Variants in PTCH2 observed in about 807,000 individuals in gnomAD.
PTCH2 encodes patched 2, also known as protein patched homolog 2.
PTCH2 carries 96 observed loss-of-function variants against 117.9 expected under a neutral mutation model. The ratio of observed to expected loss-of-function variants is 0.81; its 90% CI spans 0.69 to 0.96. PTCH2 has a LOEUF of 0.96. Among genes scored for constraint, PTCH2 ranks in the 50% least tolerant of loss-of-function variants. The pLI, the probability that PTCH2 is intolerant of heterozygous loss-of-function variation, is 0.00. For missense variants in PTCH2, 1,379 were observed against 1,562.5 expected (o/e 0.88, Z 1.98); for synonymous variants, 615 against 660.9 (o/e 0.93, Z 1.06).
At position 44,827,524 on chromosome 1, in the gene PTCH2, G is replaced by C. The variant is rs1161313776; in HGVS notation, c.2249C>G (p.Ala750Gly). 1 of 1,613,958 alleles carries C rather than the reference G, an allele frequency of 6.2e-7. No homozygotes were observed. Among genetic ancestry groups the C allele is most frequent in the East Asian group, 2.2e-5 (1 of 44,884 alleles). ...ATCAAAGAGGGCGCGTTGGGAGTGG[G>C]CGTAGTCAAAGCCACCCTGGGTCAC... is the stretch of plus-strand genomic sequence containing the variant. ...ALVTQGGFDY[A>G]HSQRALFDLH... Residue 750 changes from alanine to glycine, a missense_variant, in exon 15 of 22, where the codon GCC becomes GGC. By Grantham distance (60) the Ala-to-Gly change is moderately conservative (BLOSUM62 0). Coordinates refer to ENST00000372192, the MANE Select transcript of PTCH2 (RefSeq NM_003738.5).
In PTCH2 at chr1:44,823,146, C is replaced by G. The variant is rs148142832; in HGVS notation, c.3280G>C (p.Val1094Leu). The G allele has an allele frequency of 7.4e-5, 120 of 1,613,990 alleles. No individual in the cohort carries two copies. Among genetic ancestry groups the G allele is most frequent in the Non-Finnish European group, 8.5e-5 (100 of 1,180,010 alleles). The change falls in exon 21 of 22, where the codon GTG becomes CTG. Residue 1094 changes from valine to leucine, a missense_variant. Transcript: ENST00000372192. The surrounding 1 kb of genome is among the most constrained non-coding windows in gnomAD (Gnocchi z 5.1). ...IVRYFFAALT[V>L]LTLLGLLHGL... is the part of the protein sequence containing the mutation. ...TGGAGGAGGCCCAGGAGCGTGAGCA[C>G]TGTCAGCGCCGCAAAGAAGTACCTA...
chr1:44,835,557 G>T (rs1481650390), intron 2 of PTCH2, among the ~76,000 whole-genome samples: 2 of 152,138 alleles, frequency 1.3e-5, no homozygotes, highest in East Asian at 3.8e-4. Flanking sequence ...AGTGTAATAT[G>T]GTACACTCTT....
chr1:44,822,397 T>C lies in PTCH2; in HGVS notation c.*18A>G. On this transcript the variant is annotated 3_prime_UTR_variant, in exon 22 of 22. Transcript: ENST00000372192. ...CCCCACACGCCCCACACATGGTCTCTGTGCTTCAGCTGCTCTTTCACCCAG... is the reference window on the plus strand; with the variant it reads ...CCCCACACGCCCCACACATGGTCTCCGTGCTTCAGCTGCTCTTTCACCCAG... 6.2e-7 allele frequency: 1 copy of C among 1,613,388 alleles called. No individual in the cohort carries two copies. Among genetic ancestry groups the C allele is most frequent in the Non-Finnish European group, 8.5e-7 (1 of 1,180,018 alleles).
intron 9 of PTCH2, 34 bp downstream of exon 9, chr1:44,829,368 G>A: frequency 1.9e-6 from 3 of 1,614,062 alleles, no homozygotes; most frequent in Non-Finnish European, 2.5e-6. Flanking sequence ...GGTTGGAGGT[G>A]GGGTGGGGGC....
In PTCH2 at chr1:44,828,189, G is replaced by A. The variant is rs2148876064; in HGVS notation, c.1712C>T (p.Pro571Leu). Residue 571 changes from proline (P) to leucine (L), a missense_variant and splice_region_variant, in exon 14 of 22, where the codon CCC becomes CTC. Physicochemically the swap from Pro to Leu is moderately conservative, Grantham distance 98. Transcript: ENST00000372192. Reference protein sequence around the residue: ...RLDVLCCFSSPCSAQVIQILP... With the variant: ...RLDVLCCFSSLCSAQVIQILP... The stretch of plus-strand genomic sequence containing the variant: ...GATCTGAATCACCTGAGCAGAGCAG[G>A]GACTGGAAGAGGTAGAGAGTGGATG... 1.2e-6 allele frequency: 2 copies of A among 1,613,490 alleles called. No homozygotes were observed. Among genetic ancestry groups the A allele is most frequent in the Non-Finnish European group, 1.7e-6 (2 of 1,179,956 alleles).
At position 44,822,450 on chromosome 1, in the gene PTCH2, G is replaced by A; in HGVS notation, c.3577C>T (p.Leu1193Phe). The A allele has an allele frequency of 6.2e-7, 1 of 1,613,986 alleles. No individual in the cohort carries two copies. The highest frequency in any genetic ancestry group is 8.5e-7 in the Non-Finnish European group (1 of 1,180,022). ...GCTGGACCTGGTCCCCTGGAACTGA[G>A]GTTGCCAGAGCTAGTGGCAGCAGGG... ...WSPAATSSGN[L>F]SSRGPGPATG The change falls in exon 22 of 22, where the codon CTC becomes TTC. Residue 1193 changes from leucine to phenylalanine, a missense_variant. By Grantham distance (22) the Leu-to-Phe change is conservative (BLOSUM62 0). Coordinates refer to ENST00000372192, the MANE Select transcript of PTCH2 (RefSeq NM_003738.5).
chr1:44,820,267 C>A, downstream of PTCH2: 1 of 423,560 alleles, frequency 2.4e-6, no homozygotes, highest in Non-Finnish European at 4.8e-6. Context: ...GGTCACTGAT[C>A]TCCTTTGCTC....
At position 44,823,310 on chromosome 1, in the gene PTCH2, C is replaced by T. The variant is rs758108389; in HGVS notation, c.3190G>A (p.Asp1064Asn). The T allele has an allele frequency of 1.9e-5, 31 of 1,614,204 alleles. No individual in the cohort carries two copies. Among genetic ancestry groups the T allele is most frequent in the Admixed American group, 1.8e-4 (11 of 60,034 alleles). The change falls in exon 20 of 22, where the codon GAT (aspartate) becomes AAT (asparagine). Residue 1064 changes from aspartate to asparagine, a missense_variant. Asp to Asn is a conservative substitution (Grantham distance 23). Coordinates refer to ENST00000372192, the MANE Select transcript of PTCH2 (RefSeq NM_003738.5). The surrounding 1 kb of genome is among the most constrained non-coding windows in gnomAD (Gnocchi z 5.1). ...CCCAGCAATGTGGAGATGGCCCCAT[C>T]GGTCACGGGGGCAAATGTGTGCTCA... ...ALEHTFAPVT[D>N]GAISTLLGLL...
At chr1:44,819,951 T>A (rs990718389), downstream of PTCH2, 1 of 153,406 alleles carries the variant, frequency 6.5e-6, no homozygotes, top group Non-Finnish European at 1.5e-5. Flanking sequence ...CGGAAATCTT[T>A]AGTAAAAGGC....
rs7532882 is a variant in PTCH2, at chr1:44,827,385, G to T, written c.2371+17C>A. The T allele has an allele frequency of 6.2e-7, 1 of 1,613,740 alleles. No individual in the cohort carries two copies. Among genetic ancestry groups the T allele is most frequent in the Non-Finnish European group, 8.5e-7 (1 of 1,179,948 alleles). On this transcript the variant is annotated intron_variant, in intron 15 of 21. Coordinates refer to ENST00000372192, the MANE Select transcript of PTCH2 (RefSeq NM_003738.5). ...CTCCCTGCAGCACCCCTCCCTGCCC[G>T]TCTCCTCGCCTCTCACCCTGTAGCC...
At chr1:44,836,393 C>T (rs896817487) in intron 2 of PTCH2, among the ~76,000 whole-genome samples, 1 of 152,152 alleles carries the variant, frequency 6.6e-6, no homozygotes, top group African/African-American at 2.4e-5. Context: ...AGGAGGATCG[C>T]TTGAGACCAG....
Position 44,829,087 on chromosome 1 carries a change from A to T in PTCH2, c.1372-13T>A. On this transcript the variant is annotated splice_polypyrimidine_tract_variant and intron_variant, in intron 10 of 21. Transcript: ENST00000372192. ...AGAAGGGCAGCACCTGGAGGGGCAG[A>T]GGAGCGGGCAGCTGAGGACCCGTGA... The T allele has an allele frequency of 6.2e-7, 1 of 1,613,168 alleles. No individual in the cohort carries two copies.
At position 44,829,022 on chromosome 1, in the gene PTCH2, G is replaced by A. The variant is rs747573693; in HGVS notation, c.1424C>T (p.Ala475Val). Residue 475 changes from alanine (A) to valine (V), a missense_variant, in exon 11 of 22, where the codon GCG becomes GTG. Physicochemically the swap from Ala to Val is moderately conservative, Grantham distance 64. Coordinates refer to ENST00000372192, the MANE Select transcript of PTCH2 (RefSeq NM_003738.5). ...AGGCAGAGCCTCTGTGAAGGCATGCGCCAGCAGGAATACGTCATCCACGCC... is the reference window on the plus strand; with the variant it reads ...AGGCAGAGCCTCTGTGAAGGCATGCACCAGCAGGAATACGTCATCCACGCC... The part of the protein sequence containing the change: ...GIGVDDVFLL[A>V]HAFTEALPGT... The A allele has an allele frequency of 1.5e-5, 24 of 1,580,882 alleles. No homozygotes were observed. The highest frequency in any genetic ancestry group is 2.3e-5 in the East Asian group (1 of 43,040).
At position 44,831,773 on chromosome 1, in the gene PTCH2, C is replaced by T. The variant is rs748846701; in HGVS notation, c.550G>A (p.Val184Met). 6.1e-5 allele frequency: 97 copies of T among 1,596,432 alleles called. 1 individual carries two copies. The South Asian group carries it at 8.2e-4, about 13-fold the overall frequency. ...AAGCAGTCGAGGGGGGTGAGGATCACGCACGGAAACAGCTTCTCAATCATC... is the reference window on the plus strand; with the variant it reads ...AAGCAGTCGAGGGGGGTGAGGATCATGCACGGAAACAGCTTCTCAATCATC... ...ERMIEKLFPC[V>M]ILTPLDCFWE... The change falls in exon 5 of 22, where the codon GTG becomes ATG. Residue 184 changes from valine (V) to methionine (M), a missense_variant. By Grantham distance (21) the Val-to-Met change is conservative. Transcript: ENST00000372192. The surrounding 1 kb of genome is among the most constrained non-coding windows in gnomAD (Gnocchi z 4.3).
In PTCH2 at chr1:44,843,152, C is replaced by T. The variant is rs1654027315; in HGVS notation, c.-220G>A. 7.8e-7 allele frequency: 1 copy of T among 1,285,544 alleles called. No individual in the cohort carries two copies. Among genetic ancestry groups the T allele is most frequent in the Non-Finnish European group, 9.8e-7 (1 of 1,017,866 alleles). The allele number at this position is 1,285,544 out of a possible 1,614,324, so 79.6% of individuals were successfully genotyped here. On this transcript the variant is annotated 5_prime_UTR_variant, in exon 1 of 22. Coordinates refer to ENST00000372192, the MANE Select transcript of PTCH2 (RefSeq NM_003738.5). ...GGGGCGCGGCGCCGGGATTCACCCG[C>T]TCCGTGGGCCGTGGGCCGCGGCGGC... is the stretch of plus-strand genomic sequence containing the variant.
chr1:44,831,792 A>T lies in PTCH2; in HGVS notation c.531T>A (p.Ile177=). The T allele has an allele frequency of 6.2e-7, 1 of 1,606,964 alleles. No individual in the cohort carries two copies. Among genetic ancestry groups the T allele is most frequent in the Non-Finnish European group, 8.5e-7 (1 of 1,176,664 alleles). Residue 177 remains isoleucine, a synonymous_variant, in exon 5 of 22, where the codon ATT becomes ATA. Transcript: ENST00000372192. The surrounding 1 kb of genome is among the most constrained non-coding windows in gnomAD (Gnocchi z 4.3). ...GGATCACGCACGGAAACAGCTTCTC[A>T]ATCATCTGCCAGGGATACCCCGGGC... ...LIENGMIERM[I]EKLFPCVILT...
chr1:44,820,746 C>T (rs1652878860), downstream of PTCH2: 1 of 718,070 alleles, frequency 1.4e-6, no homozygotes, highest in Non-Finnish European at 2.6e-6. Context: ...GGCTGGCTAA[C>T]TTGCCCAGGG....
chr1:44,825,844 C>G (rs78780632), intron 19 of PTCH2, among the ~76,000 whole-genome samples: 2 of 118,412 alleles, frequency 1.7e-5, no homozygotes, highest in Non-Finnish European at 3.5e-5. Flanking sequence ...AGCCCAAATT[C>G]TTTTTTTTTT....
rs57053705 is a variant in PTCH2 at position 44,839,361 on chromosome 1, C to CAAAAAAAAA, written c.265+2477_265+2485dup. 2.3e-3 allele frequency among the ~76,000 whole-genome samples: 171 copies of CAAAAAAAAA among 75,602 alleles called. 7 individuals are homozygous for CAAAAAAAAA. The highest frequency in any genetic ancestry group is 3.7e-3 in the Non-Finnish European group (143 of 38,310). 49.6% of individuals were successfully genotyped at this position (75,602 alleles called of 152,430 possible). ...TGGGCAACAGAGCAAGACTTACTCTCAAAAAAAAAAAAAAAAAAAAAACAG... is the reference window on the plus strand; with the variant it reads ...TGGGCAACAGAGCAAGACTTACTCTCAAAAAAAAAAAAAAAAAAAAAAAAAAAAAAACAG... On this transcript the variant is annotated intron_variant, in intron 2 of 21. Coordinates refer to ENST00000372192, the MANE Select transcript of PTCH2 (RefSeq NM_003738.5).
Sources: gnomAD v4.1 joint callset for allele counts (sites outside exome capture counted in the v4.1 genomes callset) on GRCh38, gnomAD v4.1.1 for gene constraint, Gnocchi (gnomAD v3.1) non-coding constraint, MANE v1.5 for transcripts, NCBI Gene and HGNC (gene_info 2026-07-23, HGNC 2026-07-21) for gene names.